Variants in MYBPC3 observed in about 807,000 individuals in gnomAD.
MYBPC3 encodes the protein myosin-binding protein C, cardiac-type.
MYBPC3 carries 108 observed loss-of-function variants against 159.3 expected under a neutral mutation model. That is an observed-to-expected ratio of 0.68 (90% CI 0.58 to 0.80). MYBPC3 has a LOEUF of 0.80. MYBPC3 is among the 30% of genes least tolerant of loss of function. The probability of loss-of-function intolerance (pLI) is 0.00; values close to 1 mark genes in which losing one functional copy is unlikely to be tolerated. For missense variants in MYBPC3, 1,631 were observed against 1,762.1 expected, an observed-to-expected ratio of 0.93 and a Z score of 1.33; for synonymous variants, 730 against 702.0, an observed-to-expected ratio of 1.04 and a Z score of -0.63.
At chr11:47,341,311 A>G in intron 18 of MYBPC3, 67 bp from the exon 19 acceptor site, 1 of 1,306,240 alleles carries the variant, frequency 7.7e-7, no homozygotes. Flanking sequence ...CAGATACCCC[A>G]GCCAGGGTCC....
chr11:47,351,480 C>T lies in MYBPC3; in HGVS notation c.51G>A (p.Arg17=). 2 of 1,590,864 alleles carry T rather than the reference C, an allele frequency of 1.3e-6. No individual in the cohort carries two copies. Among genetic ancestry groups the T allele is most frequent in the Non-Finnish European group, 1.7e-6 (2 of 1,163,474 alleles). ...KPVSAFSKKP[R]SVEVAAGSPA... is the part of the protein sequence containing the mutation. ...GGCTGCCTGCGGCCACTTCCACTGA[C>T]CGTGGCTTCTTGCTAAAAGCTGAGA... Residue 17 remains arginine (R), a synonymous_variant, in exon 2 of 35, where the codon CGG becomes CGA. Transcript: ENST00000545968. This position sits in a 1 kb window ranked among gnomAD's most constrained non-coding sequence, Gnocchi z 4.2.
At chr11:47,333,832 C>G in intron 28 of MYBPC3, 80 bp from the exon 29 acceptor site, 1 of 1,545,680 alleles carries the variant, frequency 6.5e-7, no homozygotes, top group Non-Finnish European at 8.7e-7. Flanking sequence ...TACCTCAGAT[C>G]AGGCCAGCCC....
chr11:47,351,307 T>A lies in MYBPC3; in HGVS notation c.224A>T (p.Asp75Val). The change falls in exon 2 of 35, where the codon GAC (aspartate) becomes GTC (valine). Residue 75 changes from aspartate (D) to valine (V), a missense_variant. Transcript: ENST00000545968. The surrounding 1 kb of genome is among the most constrained non-coding windows in gnomAD (Gnocchi z 4.2). Reference protein sequence around the residue: ...TLTVREVGPADQGSYAVIAGS... With the variant: ...TLTVREVGPAVQGSYAVIAGS... ...AGCAATGACTGCGTAAGATCCCTGGTCGGCAGGGCCCACTTCCCGCACTGT... is the reference window on the plus strand; with the variant it reads ...AGCAATGACTGCGTAAGATCCCTGGACGGCAGGGCCCACTTCCCGCACTGT... The A allele has an allele frequency of 6.3e-7, 1 of 1,578,078 alleles. No homozygotes were observed. The highest frequency in any genetic ancestry group is 8.6e-7 in the Non-Finnish European group (1 of 1,161,510).
rs10769254 is a variant in MYBPC3 at position 47,340,914 on chromosome 11, G to C, written c.1927+89C>G. On this transcript the variant is annotated intron_variant, in intron 20 of 34. Coordinates refer to ENST00000545968, the MANE Select transcript of MYBPC3 (RefSeq NM_000256.3). Reference sequence around the variant, plus strand: ...CCCAGGACCCCCACTTTTGATCCTTGCTCTTCCCTCTGTGAGTGGAGGGGA... The same window carrying C: ...CCCAGGACCCCCACTTTTGATCCTTCCTCTTCCCTCTGTGAGTGGAGGGGA... 300,366 of 1,382,524 alleles carry C rather than the reference G, an allele frequency of 0.22. 37,422 individuals are homozygous for C. The highest frequency in any genetic ancestry group is 0.56 in the East Asian group (21,088 of 37,964). The allele number at this position is 1,382,524 out of a possible 1,614,324, so 85.6% of individuals were successfully genotyped here. A position where few individuals can be genotyped will look rare whatever the true frequency, so the allele number is the denominator to read the frequency against.
At chr11:47,348,853 C>G (rs1156292388) in intron 5 of MYBPC3, among the ~76,000 whole-genome samples, 1 of 134,286 alleles carries the variant, frequency 7.4e-6, no homozygotes, top group Non-Finnish European at 1.6e-5. Flanking sequence ...TGCAGTGAGC[C>G]GAGATTGAGC....
Position 47,351,148 on chromosome 11 carries a change from A to T in MYBPC3, c.292+91T>A. The T allele has an allele frequency of 7.1e-7, 1 of 1,404,290 alleles. No homozygotes were observed. 87.0% of individuals were successfully genotyped at this position (1,404,290 alleles called of 1,614,324 possible). On this transcript the variant is annotated intron_variant, in intron 2 of 34. Transcript: ENST00000545968. The surrounding 1 kb of genome is among the most constrained non-coding windows in gnomAD (Gnocchi z 4.2). ...CACAGCAAAGGCAAGAAAGTGTGAA[A>T]GCACCTCCTGTTCCCTGGATGGATG...
chr11:47,335,012 G>T, intron 27 of MYBPC3, 30 bp downstream of exon 27: 1 of 1,458,556 alleles, frequency 6.9e-7, no homozygotes, highest in South Asian at 1.5e-5. Context: ...GTCAATGGCG[G>T]GTCTTGTGAC....
rs2142869770 is a variant in MYBPC3 at position 47,351,426 on chromosome 11, C to T, written c.105G>A (p.Arg35=). The T allele has an allele frequency of 6.2e-7, 1 of 1,610,246 alleles. No homozygotes were observed. The highest frequency in any genetic ancestry group is 8.5e-7 in the Non-Finnish European group (1 of 1,178,796). The change falls in exon 2 of 35, where the codon CGG becomes CGA. Residue 35 remains arginine, a synonymous_variant. Transcript: ENST00000545968. This position sits in a 1 kb window ranked among gnomAD's most constrained non-coding sequence, Gnocchi z 4.2. The stretch of plus-strand genomic sequence containing the variant: ...GCTGCCAGCGCACCTTCACTCCTGC[C>T]CGCTCTGTCTCGGCCTCGAACACGG... ...SPAVFEAETE[R]AGVKVRWQRG...
In MYBPC3 at chr11:47,348,564, C is replaced by T. The variant is rs771069575; in HGVS notation, c.655-23G>A. On this transcript the variant is annotated intron_variant, in intron 5 of 34. Coordinates refer to ENST00000545968, the MANE Select transcript of MYBPC3 (RefSeq NM_000256.3). ...GACCTGTGTGCATGGAGGGACGGGGCGTCAGGGGACACCAGGGGCCGGGAG... is the reference window on the plus strand; with the variant it reads ...GACCTGTGTGCATGGAGGGACGGGGTGTCAGGGGACACCAGGGGCCGGGAG... 90 of 1,574,938 alleles carry T rather than the reference C, an allele frequency of 5.7e-5. 1 individual carries two copies. The highest frequency in any genetic ancestry group is 3.4e-4 in the South Asian group (30 of 88,338).
At position 47,342,586 on chromosome 11, in the gene MYBPC3, A is replaced by G. The variant is rs1158024707; in HGVS notation, c.1616T>C (p.Ile539Thr). ...CCCCCAGCCAGGCTCACCCTGCACA[A>G]TGAGCTCAGCCAGCGCCTGGCCCCC... The part of the protein sequence containing the change: ...TSGGQALAEL[I>T]VQEKKLEVYQ... Residue 539 changes from isoleucine (I) to threonine (T), a missense_variant, in exon 17 of 35, where the codon ATT becomes ACT. By Grantham distance (89) the Ile-to-Thr change is moderately conservative. Transcript: ENST00000545968. 2.5e-6 allele frequency: 4 copies of G among 1,601,518 alleles called. No individual in the cohort carries two copies. In the African/African-American group the frequency reaches 5.3e-5, roughly 21 times the overall value.
chr11:47,333,073 G>A, intron 30 of MYBPC3, 100 bp from the exon 31 acceptor site: 1 of 1,525,650 alleles, frequency 6.6e-7, no homozygotes, highest in Non-Finnish European at 8.8e-7. Flanking sequence ...CTACTATGGA[G>A]GGATTCAGAT....
At chr11:47,340,238 GACAC>G (rs1595845131) in intron 20 of MYBPC3, among the ~76,000 whole-genome samples, 2 of 84,116 alleles carry the variant, frequency 2.4e-5, no homozygotes, top group East Asian at 1.1e-3. Flanking sequence ...CACACACACA[GACAC>G]AGACACACAT....
intron 25 of MYBPC3, 38 bp downstream of exon 25, chr11:47,337,353 G>A (rs2095883241): frequency 6.5e-7 from 1 of 1,529,134 alleles, no homozygotes; most frequent in Non-Finnish European, 8.8e-7. Context: ...TTTAACTGGG[G>A]AGGGGGCGGG....
chr11:47,335,824 A>T (rs2095881635), intron 26 of MYBPC3, 53 bp downstream of exon 26: 2 of 1,332,008 alleles, frequency 1.5e-6, no homozygotes, highest in Admixed American at 6.4e-5. Flanking sequence ...GCTCAATGGC[A>T]AGGTGAGCAT....
At chr11:47,343,447 G>T (rs760342447) in intron 13 of MYBPC3, 45 bp downstream of exon 13, 6 of 1,544,468 alleles carry the variant, frequency 3.9e-6, no homozygotes, top group Non-Finnish European at 5.2e-6. Context: ...AGGCTATGGG[G>T]GTCCCCACCT....
rs985788418 is a variant in MYBPC3, at chr11:47,346,059, G to A, written c.1090+148C>T. On this transcript the variant is annotated intron_variant, in intron 12 of 34. Transcript: ENST00000545968. This position sits in a 1 kb window ranked among gnomAD's most constrained non-coding sequence, Gnocchi z 5.3. ...GAGTCTCTGTGCTAAGCCGGACTCC[G>A]CTCTTTCCATGTATGTGGACGAGGT... is the stretch of plus-strand genomic sequence containing the variant. 58 of 1,138,100 alleles carry A rather than the reference G, an allele frequency of 5.1e-5. No homozygotes were observed. The Middle Eastern group carries it at 1.5e-3, about 30-fold the overall frequency. 70.5% of individuals were successfully genotyped at this position (1,138,100 alleles called of 1,614,324 possible).
intron 22 of MYBPC3, 117 bp downstream of exon 22, chr11:47,339,207 G>T: frequency 1.8e-6 from 2 of 1,116,770 alleles, no homozygotes; most frequent in Non-Finnish European, 2.7e-6. Context: ...GCTGGGGGCA[G>T]CAACACACCC....
chr11:47,346,151 T>G lies in MYBPC3; in HGVS notation c.1090+56A>C. ...GGCTAACCTATGCCCTCTCCTCTCC[T>G]GTGTAGGGAAGGGCTAGCCTGTGCC... On this transcript the variant is annotated intron_variant, in intron 12 of 34. Transcript: ENST00000545968. The surrounding 1 kb of genome is among the most constrained non-coding windows in gnomAD (Gnocchi z 5.3). 6.2e-7 allele frequency: 1 copy of G among 1,603,678 alleles called. No individual in the cohort carries two copies. The highest frequency in any genetic ancestry group is 8.5e-7 in the Non-Finnish European group (1 of 1,173,998).
intron 7 of MYBPC3, 79 bp downstream of exon 7, chr11:47,347,778 C>G: frequency 6.5e-7 from 1 of 1,546,562 alleles, no homozygotes; most frequent in Non-Finnish European, 8.7e-7. Flanking sequence ...TCATCCCCAG[C>G]CCTGACCCCC....
Sources: allele counts gnomAD v4.1 joint callset (sites outside exome capture counted in the v4.1 genomes callset), GRCh38; gene constraint gnomAD v4.1.1; non-coding constraint Gnocchi (gnomAD v3.1); transcripts MANE v1.5; gene names NCBI Gene and HGNC (gene_info 2026-07-23, HGNC 2026-07-21).